PRKCH: variants seen among roughly 807,000 people sequenced by gnomAD.
PRKCH encodes protein kinase C eta, also known as protein kinase C eta type.
Under a neutral mutation model 82.5 loss-of-function variants are expected in PRKCH, and 28 were observed. The ratio of observed to expected loss-of-function variants is 0.34; its 90% CI spans 0.25 to 0.47. PRKCH has a LOEUF of 0.47. Ranked by LOEUF, PRKCH falls within the 20% of genes least tolerant of loss-of-function variation. The pLI is 1.00. For synonymous variants in PRKCH, 322 were observed against 327.4 expected, an observed-to-expected ratio of 0.98 and a Z score of 0.18; for missense variants, 705 against 881.8, an observed-to-expected ratio of 0.80 and a Z score of 2.54.
intron 2 of PRKCH, among the ~76,000 whole-genome samples, chr14:61,416,053 CTT>C (rs71117815): frequency 0.011 from 1,023 of 94,058 alleles, 5 homozygotes; most frequent in East Asian, 0.076. Context: ...CTTTTCTTTT[CTT>C]TTTTTTTTTT....
At chr14:61,407,579 G>A (rs41452647) in intron 2 of PRKCH, among the ~76,000 whole-genome samples, 6,187 of 152,194 alleles carry the variant, frequency 0.041, 385 homozygotes, top group African/African-American at 0.14. Flanking sequence ...GCCAGAGTGT[G>A]AAAGGAACAG....
intron 9 of PRKCH, among the ~76,000 whole-genome samples, chr14:61,473,819 C>G (rs1300043212): frequency 6.6e-6 from 1 of 151,952 alleles, no homozygotes; most frequent in Non-Finnish European, 1.5e-5. Flanking sequence ...ATGGCAAAAC[C>G]CTGTCTCTAC....
At chr14:61,449,460 T>A (rs902374973) in intron 5 of PRKCH, among the ~76,000 whole-genome samples, 1 of 152,200 alleles carries the variant, frequency 6.6e-6, no homozygotes, top group Non-Finnish European at 1.5e-5. Context: ...TCCCTTTTTT[T>A]AAATTATGGC....
chr14:61,274,067 T>C (rs925453009), intron 1 of PRKCH, among the ~76,000 whole-genome samples: 1 of 151,544 alleles, frequency 6.6e-6, no homozygotes, highest in African/African-American at 2.4e-5. Flanking sequence ...GAGAAAGAAA[T>C]GGAATAAGTA....
rs754202207 is a variant in PRKCH at position 61,549,804 on chromosome 14, C to T, written c.2025C>T (p.Ser675=). ...MINQDEFRNF[S]YVSPELQP ...ACCAGGATGAGTTTAGAAACTTTTCCTATGTGTCTCCAGAATTGCAACCAT... is the reference window on the plus strand; with the variant it reads ...ACCAGGATGAGTTTAGAAACTTTTCTTATGTGTCTCCAGAATTGCAACCAT... The change falls in exon 14 of 14, where the codon TCC becomes TCT. Residue 675 remains serine, a synonymous_variant. Transcript: ENST00000332981. 2 of 1,614,036 alleles carry T rather than the reference C, an allele frequency of 1.2e-6. No homozygotes were observed. Among genetic ancestry groups the T allele is most frequent in the Non-Finnish European group, 1.7e-6 (2 of 1,180,008 alleles).
chr14:61,519,274 TATGAATGAATGA>T (rs34647037), intron 10 of PRKCH, among the ~76,000 whole-genome samples: 3,467 of 147,264 alleles, frequency 0.024, 59 homozygotes, highest in African/African-American at 0.041. Context: ...AGAATGAGAT[TATGAATGAATGA>T]ATGAATGAAT....
intron 10 of PRKCH, among the ~76,000 whole-genome samples, chr14:61,491,598 C>T (rs909781257): frequency 1.3e-5 from 2 of 152,202 alleles, no homozygotes; most frequent in African/African-American, 4.8e-5. Context: ...ACCACCATTC[C>T]TGACTTCCAA....
intron 10 of PRKCH, among the ~76,000 whole-genome samples, chr14:61,518,715 A>G (rs1267916803): frequency 6.6e-6 from 1 of 152,212 alleles, no homozygotes; most frequent in Non-Finnish European, 1.5e-5. Flanking sequence ...CACACTGCCT[A>G]CATGTCAAGG....
intron 1 of PRKCH, among the ~76,000 whole-genome samples, chr14:61,367,935 C>T (rs574172520): frequency 5.9e-5 from 9 of 151,738 alleles, no homozygotes; most frequent in East Asian, 1.9e-4. Flanking sequence ...AGGATGGTCT[C>T]GACCTCCTGA....
At chr14:61,545,024 A>C (rs2043236112) in intron 12 of PRKCH, 1 of 152,216 alleles carries the variant, frequency 6.6e-6, no homozygotes. Flanking sequence ...CTACCTCTGC[A>C]TTTAAGATTT....
At chr14:61,368,265 C>G (rs2046322515) in intron 1 of PRKCH, among the ~76,000 whole-genome samples, 1 of 151,926 alleles carries the variant, frequency 6.6e-6, no homozygotes, top group Non-Finnish European at 1.5e-5. Context: ...TCACAGTCTA[C>G]CCTTCACCTC....
At chr14:61,287,833 A>G (rs906951300) in intron 1 of PRKCH, among the ~76,000 whole-genome samples, 1 of 152,104 alleles carries the variant, frequency 6.6e-6, no homozygotes, top group African/African-American at 2.4e-5. Flanking sequence ...GAGCCAGCCA[A>G]TCTTTTGAGG....
At position 61,509,745 on chromosome 14, in the gene PRKCH, AAAAAT is replaced by A. The variant is rs370369701; in HGVS notation, c.1434-19315_1434-19311del. On this transcript the variant is annotated intron_variant, in intron 10 of 13. Coordinates refer to ENST00000332981, the MANE Select transcript of PRKCH (RefSeq NM_006255.5). The stretch of plus-strand genomic sequence containing the variant: ...ACTAAAAATACAAAAATAAATAAAT[AAAAAT>A]AAAATAAAATAAAAACTAGCCATGC... 8.0e-3 allele frequency among the ~76,000 whole-genome samples: 1,217 copies of A among 152,006 alleles called. 7 individuals are homozygous for A. The highest frequency in any genetic ancestry group is 0.012 in the Non-Finnish European group (810 of 67,966).
chr14:61,391,507 A>G (rs547894376), intron 2 of PRKCH, among the ~76,000 whole-genome samples: 4 of 152,344 alleles, frequency 2.6e-5, no homozygotes, highest in South Asian at 4.1e-4. Flanking sequence ...CTCACGTTTC[A>G]TTTAACACAC....
At chr14:61,511,743 ACCT>A (rs933283513) in intron 10 of PRKCH, among the ~76,000 whole-genome samples, 3 of 152,032 alleles carry the variant, frequency 2.0e-5, no homozygotes, top group African/African-American at 7.3e-5. Flanking sequence ...GGCGCTTGTG[ACCT>A]CCTTTGCATC....
upstream of PRKCH, among the ~76,000 whole-genome samples, chr14:61,319,151 C>T (rs1033094510): frequency 1.3e-5 from 2 of 152,174 alleles, no homozygotes; most frequent in African/African-American, 4.8e-5. Flanking sequence ...CAGCCACTCT[C>T]CCCTCACCTT....
chr14:61,201,323 A>G (rs1380111964), intron 1 of PRKCH, among the ~76,000 whole-genome samples: 1 of 152,078 alleles, frequency 6.6e-6, no homozygotes, highest in African/African-American at 2.4e-5. Flanking sequence ...AGGCATAGAG[A>G]GATTGAGTAA....
intron 1 of PRKCH, among the ~76,000 whole-genome samples, chr14:61,313,228 C>A (rs2045538363): frequency 6.6e-6 from 1 of 152,164 alleles, no homozygotes. Flanking sequence ...GTTTCTTACA[C>A]AAGCCATACA....
At chr14:61,284,358 C>T (rs946815365) in intron 1 of PRKCH, among the ~76,000 whole-genome samples, 7 of 151,990 alleles carry the variant, frequency 4.6e-5, no homozygotes, top group Admixed American at 1.3e-4. Context: ...ATCTGAAAGG[C>T]GAAGAAAATG....
Sources: gnomAD v4.1 joint callset for allele counts (sites outside exome capture counted in the v4.1 genomes callset) on GRCh38, gnomAD v4.1.1 for gene constraint, MANE v1.5 for transcripts, NCBI Gene and HGNC (gene_info 2026-07-23, HGNC 2026-07-21) for gene names.